CPED1: variants seen among roughly 807,000 people sequenced by gnomAD.
The protein encoded by CPED1 is cadherin-like and PC-esterase domain-containing protein 1.
In CPED1, 114 loss-of-function variants were observed where a neutral mutation model predicts 128.2. The ratio of observed to expected loss-of-function variants is 0.89; its 90% CI spans 0.76 to 1.04. The LOEUF (loss-of-function observed/expected upper bound fraction) is 1.04, where lower values mean the gene tolerates loss of function less well. Ranked by LOEUF, CPED1 falls within the 50% of genes least tolerant of loss-of-function variation. The probability of loss-of-function intolerance (pLI) is 0.00; values close to 1 mark genes in which losing one functional copy is unlikely to be tolerated. For synonymous variants in CPED1, 462 were observed against 426.7 expected, an observed-to-expected ratio of 1.08 and a Z score of -1.02; for missense variants, 1,211 against 1,207.1, an observed-to-expected ratio of 1.00 and a Z score of -0.05.
chr7:121,022,978 C>G (rs1453190435), intron 3 of CPED1, among the ~76,000 whole-genome samples: 1 of 151,312 alleles, frequency 6.6e-6, no homozygotes, highest in East Asian at 1.9e-4. Flanking sequence ...AGATGCTATT[C>G]AGTAAATCAT....
At chr7:121,097,631 C>G in intron 5 of CPED1, 68 bp from the exon 6 acceptor site, 1 of 1,566,792 alleles carries the variant, frequency 6.4e-7, no homozygotes, top group Non-Finnish European at 8.7e-7. Flanking sequence ...ACAGCATACT[C>G]TATTTTCAAA....
chr7:121,153,189 A>T (rs1023414979), intron 16 of CPED1, among the ~76,000 whole-genome samples: 55 of 152,310 alleles, frequency 3.6e-4, no homozygotes, highest in African/African-American at 1.3e-3. Flanking sequence ...AATGAGGCAT[A>T]ATCATAATGT....
At chr7:121,232,990 T>C (rs1244419540) in intron 16 of CPED1, among the ~76,000 whole-genome samples, 3 of 152,032 alleles carry the variant, frequency 2.0e-5, no homozygotes, top group Non-Finnish European at 4.4e-5. Context: ...CATTCTTTTG[T>C]GGACAAATAA....
chr7:121,172,678 A>ATAGAT (rs1796679496), intron 16 of CPED1, among the ~76,000 whole-genome samples: 1 of 151,114 alleles, frequency 6.6e-6, no homozygotes. Context: ...AGATAGATAG[A>ATAGAT]TAGATAGATA....
chr7:121,167,868 A>G (rs1796568490), intron 16 of CPED1, among the ~76,000 whole-genome samples: 1 of 151,326 alleles, frequency 6.6e-6, no homozygotes, highest in African/African-American at 2.4e-5. Flanking sequence ...TGTAGCTGGG[A>G]CTACAGGCGC....
intron 5 of CPED1, among the ~76,000 whole-genome samples, chr7:121,080,281 A>C (rs1794250565): frequency 6.6e-6 from 1 of 152,214 alleles, no homozygotes; most frequent in Non-Finnish European, 1.5e-5. Context: ...AATAAAGTAT[A>C]CTATAAAATA....
intron 10 of CPED1, 106 bp downstream of exon 10, chr7:121,127,363 A>G (rs1795530006): frequency 1.4e-6 from 1 of 694,284 alleles, no homozygotes; most frequent in South Asian, 1.9e-5. Flanking sequence ...ACTTCAAATT[A>G]ATTGGTATCT....
At chr7:121,259,436 T>C (rs1584638353) in intron 18 of CPED1, among the ~76,000 whole-genome samples, 4 of 152,102 alleles carry the variant, frequency 2.6e-5, no homozygotes, top group African/African-American at 9.6e-5. Flanking sequence ...ATTTCATTTA[T>C]AGATTTATTT....
At chr7:121,061,192 AG>A in intron 4 of CPED1, 1 of 947,232 alleles carries the variant, frequency 1.1e-6, no homozygotes, top group Non-Finnish European at 1.3e-6. Context: ...CAGACACATT[AG>A]GATTGTGAAA....
Position 121,278,661 on chromosome 7 carries a change from T to C in CPED1, c.2868+7231T>C, listed in dbSNP as rs577389645. 1.3e-4 allele frequency among the ~76,000 whole-genome samples: 20 copies of C among 152,266 alleles called. No individual in the cohort carries two copies. In the South Asian group the frequency reaches 3.7e-3, roughly 28 times the overall value. The stretch of plus-strand genomic sequence containing the variant: ...TGCTACTAGCTGATTAGATTAGAGA[T>C]CAGTGCCCAGTGAGAATAAATTCAC... On this transcript the variant is annotated intron_variant, in intron 22 of 22. Transcript: ENST00000310396.
At chr7:121,013,662 CT>C (rs1407679501) in intron 2 of CPED1, among the ~76,000 whole-genome samples, 1 of 152,202 alleles carries the variant, frequency 6.6e-6, no homozygotes, top group Non-Finnish European at 1.5e-5. Flanking sequence ...ACAAATAATG[CT>C]GGTGCAGCCA....
chr7:121,282,529 A>G (rs972903393), intron 22 of CPED1, among the ~76,000 whole-genome samples: 2 of 152,218 alleles, frequency 1.3e-5, no homozygotes, highest in African/African-American at 4.8e-5. Flanking sequence ...TTAAAAATGT[A>G]GCTAATTCCT....
intron 16 of CPED1, among the ~76,000 whole-genome samples, chr7:121,206,878 C>T (rs1012508056): frequency 6.6e-6 from 1 of 151,904 alleles, no homozygotes; most frequent in Non-Finnish European, 1.5e-5. Context: ...CACTATGCTC[C>T]GAGGTTAAAG....
chr7:121,118,557 TAA>T (rs34002082), intron 7 of CPED1, among the ~76,000 whole-genome samples: 55 of 115,142 alleles, frequency 4.8e-4, no homozygotes, highest in Middle Eastern at 5.0e-3. Context: ...AGACTCTGTC[TAA>T]AAAAAAAAAA....
At chr7:121,159,029 C>T (rs1248240256) in intron 16 of CPED1, among the ~76,000 whole-genome samples, 2 of 152,152 alleles carry the variant, frequency 1.3e-5, no homozygotes, top group South Asian at 2.1e-4. Context: ...GCCAACCCCC[C>T]GAAATATATT....
intron 5 of CPED1, among the ~76,000 whole-genome samples, chr7:121,096,896 T>G (rs1794712812): frequency 6.6e-6 from 1 of 152,100 alleles, no homozygotes; most frequent in Non-Finnish European, 1.5e-5. Flanking sequence ...CATATATAGG[T>G]TCATGTAGAT....
chr7:121,265,107 G>A (rs1792094971), intron 18 of CPED1, among the ~76,000 whole-genome samples: 1 of 151,788 alleles, frequency 6.6e-6, no homozygotes, highest in African/African-American at 2.4e-5. Context: ...GTGACAAGTG[G>A]GGTTGCAGAG....
intron 16 of CPED1, among the ~76,000 whole-genome samples, chr7:121,175,085 T>C (rs898068874): frequency 1.3e-5 from 2 of 152,166 alleles, no homozygotes; most frequent in Non-Finnish European, 1.5e-5. Context: ...CCCAAGACTT[T>C]GTTGAAGTTG....
At chr7:121,175,763 C>T (rs1332035070) in intron 16 of CPED1, among the ~76,000 whole-genome samples, 2 of 152,062 alleles carry the variant, frequency 1.3e-5, no homozygotes, top group Non-Finnish European at 2.9e-5. Context: ...ACAGCTACCA[C>T]ATTTTGGAAC....
Sources: gnomAD v4.1 joint callset for allele counts (sites outside exome capture counted in the v4.1 genomes callset) on GRCh38, gnomAD v4.1.1 for gene constraint, MANE v1.5 for transcripts, NCBI Gene and HGNC (gene_info 2026-07-23, HGNC 2026-07-21) for gene names.